Variants in CLSTN1 observed in about 807,000 individuals in gnomAD.
CLSTN1 encodes calsyntenin-1.
Under a neutral mutation model 108.3 loss-of-function variants are expected in CLSTN1, and 28 were observed. The observed-to-expected ratio is 0.26, with a 90% CI of 0.19 to 0.35. CLSTN1 has a LOEUF of 0.35. Ranked by LOEUF, CLSTN1 falls within the 10% of genes least tolerant of loss-of-function variation. CLSTN1 has a pLI of 1.00. For synonymous variants in CLSTN1, 524 were observed against 534.9 expected (o/e 0.98, Z 0.28); for missense variants, 1,157 against 1,302.6 (o/e 0.89, Z 1.72).
At chr1:9,781,352 CCT>C in intron 1 of CLSTN1, 1 of 490,032 alleles carries the variant, frequency 2.0e-6, no homozygotes, top group Non-Finnish European at 3.7e-6. Context: ...GAAAAATTTT[CCT>C]TTTTAAAAGA....
At chr1:9,817,920 G>A (rs368487626) in intron 1 of CLSTN1, among the ~76,000 whole-genome samples, 1 of 152,064 alleles carries the variant, frequency 6.6e-6, no homozygotes, top group Non-Finnish European at 1.5e-5. Context: ...TGACACAGTG[G>A]GGAGGCTGTC....
intron 7 of CLSTN1, among the ~76,000 whole-genome samples, chr1:9,747,280 T>C (rs1049674920): frequency 1.3e-5 from 2 of 149,666 alleles, no homozygotes; most frequent in Non-Finnish European, 3.0e-5. Context: ...ATTCACTTAA[T>C]ACCATGAAAT....
chr1:9,812,855 A>AAAAC (rs1654817669), intron 1 of CLSTN1, among the ~76,000 whole-genome samples: 1 of 151,624 alleles, frequency 6.6e-6, no homozygotes, highest in African/African-American at 2.4e-5. Flanking sequence ...TCTCAAAAAA[A>AAAAC]AAAAAAAAAA....
chr1:9,756,629 G>A (rs1403017788), intron 2 of CLSTN1, 119 bp from the exon 3 acceptor site: 16 of 770,184 alleles, frequency 2.1e-5, no homozygotes, highest in African/African-American at 8.7e-5. Flanking sequence ...CTCAGCGACC[G>A]GCTTCTACGA....
chr1:9,818,261 T>C (rs1174253750), intron 1 of CLSTN1, among the ~76,000 whole-genome samples: 1 of 151,888 alleles, frequency 6.6e-6, no homozygotes, highest in Non-Finnish European at 1.5e-5. Flanking sequence ...TCACCCATCT[T>C]GGCCTCCCAA....
At chr1:9,783,013 A>G (rs181438505) in intron 1 of CLSTN1, among the ~76,000 whole-genome samples, 120 of 150,886 alleles carry the variant, frequency 8.0e-4, no homozygotes, top group African/African-American at 2.8e-3. Context: ...TCTCAAAAAG[A>G]AAAAGAGAGA....
chr1:9,739,690 AAAT>A (rs1217272158), intron 10 of CLSTN1, among the ~76,000 whole-genome samples: 2 of 152,124 alleles, frequency 1.3e-5, no homozygotes, highest in African/African-American at 4.8e-5. Context: ...TAAAAAATTA[AAAT>A]AATAACAATA....
At chr1:9,804,781 G>A (rs957915339) in intron 1 of CLSTN1, among the ~76,000 whole-genome samples, 9 of 152,122 alleles carry the variant, frequency 5.9e-5, no homozygotes, top group Non-Finnish European at 5.9e-5. Context: ...GCAGTGAGCC[G>A]AGTTTATGCC....
In CLSTN1 at chr1:9,749,445, CG is replaced by C; in HGVS notation, c.985+15del. 1 of 1,592,188 alleles carries C rather than the reference CG, an allele frequency of 6.3e-7. No homozygotes were observed. Among genetic ancestry groups the C allele is most frequent in the Non-Finnish European group, 8.5e-7 (1 of 1,171,822 alleles). On this transcript the variant is annotated intron_variant, in intron 7 of 18. Coordinates refer to ENST00000377298, the MANE Select transcript of CLSTN1 (RefSeq NM_001009566.3). ...CACCAAAGCCAGCCGGATGCAAGAACGCCTGGTCTCCTTACCACAGAGCCGG... is the reference window on the plus strand; with the variant it reads ...CACCAAAGCCAGCCGGATGCAAGAACCCTGGTCTCCTTACCACAGAGCCGG...
chr1:9,746,144 C>A (rs1447929270), intron 7 of CLSTN1, among the ~76,000 whole-genome samples: 2 of 152,152 alleles, frequency 1.3e-5, no homozygotes, highest in Non-Finnish European at 2.9e-5. Flanking sequence ...CTGTCCCTAA[C>A]CTTTTCCTAT....
intron 2 of CLSTN1, among the ~76,000 whole-genome samples, chr1:9,758,604 G>A (rs1245073126): frequency 1.3e-5 from 2 of 152,164 alleles, no homozygotes; most frequent in South Asian, 2.1e-4. Context: ...GTGAGTCACC[G>A]CACCTGGCCA....
rs1242304493 is a variant in CLSTN1, at chr1:9,737,565, G to C, written c.1520-11C>G. Reference sequence around the variant, plus strand: ...CAACTCCTGAAAACTCTGTGGAAAAGCAAGACAAAGACAATAGAAAAGGAC... The same window carrying C: ...CAACTCCTGAAAACTCTGTGGAAAACCAAGACAAAGACAATAGAAAAGGAC... On this transcript the variant is annotated splice_polypyrimidine_tract_variant and intron_variant, in intron 10 of 18. Coordinates refer to ENST00000377298, the MANE Select transcript of CLSTN1 (RefSeq NM_001009566.3). The C allele has an allele frequency of 1.9e-6, 3 of 1,613,450 alleles. No individual in the cohort carries two copies. Among genetic ancestry groups the C allele is most frequent in the Non-Finnish European group, 2.5e-6 (3 of 1,179,400 alleles).
chr1:9,730,619 G>C lies in CLSTN1; in HGVS notation c.2835C>G (p.Ile945Met), dbSNP rs1406667417. Residue 945 changes from isoleucine (I) to methionine (M), a missense_variant, in exon 19 of 19, where the codon ATC (isoleucine) becomes ATG (methionine). Coordinates refer to ENST00000377298, the MANE Select transcript of CLSTN1 (RefSeq NM_001009566.3). This position sits in a 1 kb window ranked among gnomAD's most constrained non-coding sequence, Gnocchi z 5.6. ...CGCTGCTCTCCGACTCGGCGCTGGT[G>C]ATGTCATCCTCTTCTTCGCCGTCCT... ...ESEDGEEEDD[I>M]TSAESESSEE... The C allele has an allele frequency of 6.2e-7, 1 of 1,610,478 alleles. No homozygotes were observed. The highest frequency in any genetic ancestry group is 1.3e-5 in the African/African-American group (1 of 74,970).
At chr1:9,795,345 T>C (rs1220056775) in intron 1 of CLSTN1, among the ~76,000 whole-genome samples, 1 of 151,102 alleles carries the variant, frequency 6.6e-6, no homozygotes, top group Admixed American at 6.7e-5. Flanking sequence ...TTTGTATTTT[T>C]AGTAGAGACG....
chr1:9,805,756 A>C (rs1654477872), intron 1 of CLSTN1, among the ~76,000 whole-genome samples: 1 of 151,200 alleles, frequency 6.6e-6, no homozygotes, highest in Non-Finnish European at 1.5e-5. Context: ...AGTCCCAGCT[A>C]CTCAGGAGGC....
chr1:9,756,552 A>C, intron 2 of CLSTN1, 42 bp from the exon 3 acceptor site: 2 of 1,572,914 alleles, frequency 1.3e-6, no homozygotes, highest in Non-Finnish European at 1.7e-6. Context: ...AATACAGGAA[A>C]GAATGAAGAT....
chr1:9,735,645 A>C (rs1192432479), intron 12 of CLSTN1, 30 bp from the exon 13 acceptor site: 1 of 1,612,774 alleles, frequency 6.2e-7, no homozygotes, highest in Admixed American at 1.7e-5. Flanking sequence ...AGAGAGGAGA[A>C]GAATAAGCCA....
chr1:9,755,265 C>G lies in CLSTN1; in HGVS notation c.289G>C (p.Asp97His). 6.2e-7 allele frequency: 1 copy of G among 1,613,836 alleles called. No individual in the cohort carries two copies. Among genetic ancestry groups the G allele is most frequent in the Non-Finnish European group, 8.5e-7 (1 of 1,179,802 alleles). ...GTGGATTTATCCACTACCACTGCAT[C>G]AAAGGGGACATTCTGCCCGTGAATT... Reference protein sequence around the residue: ...FKIHGQNVPFDAVVVDKSTGE... With the variant: ...FKIHGQNVPFHAVVVDKSTGE... The change falls in exon 4 of 19, where the codon GAT (aspartate) becomes CAT (histidine). Residue 97 changes from aspartate (D) to histidine (H), a missense_variant. Physicochemically the swap from Asp to His is moderately conservative, Grantham distance 81 (BLOSUM62 -1). Transcript: ENST00000377298.
intron 1 of CLSTN1, among the ~76,000 whole-genome samples, chr1:9,783,605 CA>C (rs1358303777): frequency 6.6e-6 from 1 of 152,020 alleles, no homozygotes; most frequent in African/African-American, 2.4e-5. Context: ...CCTGTAATTC[CA>C]GCACTTTGGG....
Sources: gnomAD v4.1 joint callset for allele counts (sites outside exome capture counted in the v4.1 genomes callset) on GRCh38, gnomAD v4.1.1 for gene constraint, Gnocchi (gnomAD v3.1) non-coding constraint, MANE v1.5 for transcripts, NCBI Gene and HGNC (gene_info 2026-07-23, HGNC 2026-07-21) for gene names.